Variants in BRIP1 observed in about 807,000 individuals in gnomAD.
BRIP1 encodes BRCA1 interacting DNA helicase 1.
In BRIP1, 88 loss-of-function variants were observed where a neutral mutation model predicts 119.7. The ratio of observed to expected loss-of-function variants is 0.74; its 90% CI spans 0.62 to 0.88. The LOEUF is 0.88. BRIP1 is among the 40% of genes least tolerant of loss of function. The pLI is 0.00. For missense variants in BRIP1, 1,259 were observed against 1,455.4 expected (o/e 0.87, Z 2.20); for synonymous variants, 443 against 496.5 (o/e 0.89, Z 1.43).
At position 61,755,505 on chromosome 17, in the gene BRIP1, G is replaced by GC. The variant is rs2077188901; in HGVS notation, c.2098-10915dup. 6.6e-6 allele frequency among the ~76,000 whole-genome samples: 1 copy of GC among 152,172 alleles called. No homozygotes were observed. The highest frequency in any genetic ancestry group is 2.4e-5 in the African/African-American group (1 of 41,442). On this transcript the variant is annotated intron_variant, in intron 14 of 19. Transcript: ENST00000259008. The surrounding 1 kb of genome is among the most constrained non-coding windows in gnomAD (Gnocchi z 4.5). The stretch of plus-strand genomic sequence containing the variant: ...GCCCTGGAGGTTGAGGCTGCACTGA[G>GC]CTGTGATCATGCCACCGTACTCCAG...
chr17:61,771,686 G>A (rs547264916), intron 14 of BRIP1, among the ~76,000 whole-genome samples: 15 of 152,180 alleles, frequency 9.9e-5, no homozygotes, highest in Non-Finnish European at 8.8e-5. Flanking sequence ...TAGGCTGGGC[G>A]TGGTGGTTCA....
At chr17:61,786,932 TATA>T (rs1343370537) in intron 10 of BRIP1, among the ~76,000 whole-genome samples, 3 of 6,714 alleles carry the variant, frequency 4.5e-4, no homozygotes, top group South Asian at 4.2e-3. Flanking sequence ...TATATTTATA[TATA>T]ATATATTTAT....
At chr17:61,839,211 A>T (rs1287151732) in intron 6 of BRIP1, among the ~76,000 whole-genome samples, 1 of 152,074 alleles carries the variant, frequency 6.6e-6, no homozygotes, top group Non-Finnish European at 1.5e-5. Flanking sequence ...GTATTATTTA[A>T]TGCTAGAAAT....
chr17:61,806,467 AT>A lies in BRIP1; in HGVS notation c.918+1999del, dbSNP rs766222474. On this transcript the variant is annotated intron_variant, in intron 7 of 19. Coordinates refer to ENST00000259008, the MANE Select transcript of BRIP1 (RefSeq NM_032043.3). The surrounding 1 kb of genome is among the most constrained non-coding windows in gnomAD (Gnocchi z 4.9). ...CATATTACTAATATTAAAAAATAAA[AT>A]ACCTGTTCACTTTAAGACAAACTAA... 6.6e-6 allele frequency among the ~76,000 whole-genome samples: 1 copy of A among 152,194 alleles called. No individual in the cohort carries two copies. The highest frequency in any genetic ancestry group is 1.5e-5 in the Non-Finnish European group (1 of 68,040).
intron 6 of BRIP1, among the ~76,000 whole-genome samples, chr17:61,833,994 C>T (rs899793862): frequency 2.0e-5 from 3 of 152,118 alleles, no homozygotes; most frequent in Non-Finnish European, 4.4e-5. Context: ...ACTGTTATAA[C>T]GCAAAAGTTC....
In BRIP1 at chr17:61,705,150, AC is replaced by A. The variant is rs1345299648; in HGVS notation, c.2492+10800del. Reference sequence around the variant, plus strand: ...TGTTCCCATCTTTAAGTCCATGTGTACCCATTGTTTATCTCCCATTTATAAG... The same window carrying A: ...TGTTCCCATCTTTAAGTCCATGTGTACCATTGTTTATCTCCCATTTATAAG... On this transcript the variant is annotated intron_variant, in intron 17 of 19. Coordinates refer to ENST00000259008, the MANE Select transcript of BRIP1 (RefSeq NM_032043.3). This position sits in a 1 kb window ranked among gnomAD's most constrained non-coding sequence, Gnocchi z 5.0. Among the ~76,000 whole-genome samples the A allele has an allele frequency of 1.3e-5, 2 of 152,000 alleles. No individual in the cohort carries two copies. The highest frequency in any genetic ancestry group is 4.8e-5 in the African/African-American group (2 of 41,410).
rs2061608586 is a variant in BRIP1, at chr17:61,701,199, T to G, written c.2493-7687A>C. ...ATTATTTTTTTCTCTTAGTTATACT[T>G]TCTTTGTTATGTGTCATGATTTTTG... On this transcript the variant is annotated intron_variant, in intron 17 of 19. Coordinates refer to ENST00000259008, the MANE Select transcript of BRIP1 (RefSeq NM_032043.3). This position sits in a 1 kb window ranked among gnomAD's most constrained non-coding sequence, Gnocchi z 5.1. Among the ~76,000 whole-genome samples the G allele has an allele frequency of 1.3e-5, 2 of 152,216 alleles. No homozygotes were observed. Among genetic ancestry groups the G allele is most frequent in the Non-Finnish European group, 2.9e-5 (2 of 68,038 alleles).
chr17:61,795,076 G>C lies in BRIP1; in HGVS notation c.1341-1347C>G, dbSNP rs1349832312. Among the ~76,000 whole-genome samples, 1 of 152,026 alleles carries C rather than the reference G, an allele frequency of 6.6e-6. No individual in the cohort carries two copies. Among genetic ancestry groups the C allele is most frequent in the Non-Finnish European group, 1.5e-5 (1 of 67,972 alleles). On this transcript the variant is annotated intron_variant, in intron 9 of 19. Coordinates refer to ENST00000259008, the MANE Select transcript of BRIP1 (RefSeq NM_032043.3). This position sits in a 1 kb window ranked among gnomAD's most constrained non-coding sequence, Gnocchi z 5.6. ...CATAAGAAATCTGAATTTATTCAAA[G>C]GGCAATGGGAAGGCTTGGGTTTTAA...
intron 4 of BRIP1, among the ~76,000 whole-genome samples, chr17:61,854,967 T>C (rs1282234766): frequency 6.6e-6 from 1 of 152,100 alleles, no homozygotes; most frequent in East Asian, 1.9e-4. Flanking sequence ...TGCAACAACA[T>C]AGAGGAATCT....
At chr17:61,836,285 T>G (rs1326167650) in intron 6 of BRIP1, among the ~76,000 whole-genome samples, 1 of 151,958 alleles carries the variant, frequency 6.6e-6, no homozygotes, top group Non-Finnish European at 1.5e-5. Flanking sequence ...TAATTTTGTT[T>G]GTTTGTTTTT....
intron 6 of BRIP1, among the ~76,000 whole-genome samples, chr17:61,839,222 C>A (rs2078623207): frequency 6.6e-6 from 1 of 151,846 alleles, no homozygotes; most frequent in Admixed American, 6.6e-5. Context: ...TGCTAGAAAT[C>A]CATGAGAAAT....
chr17:61,700,753 T>C lies in BRIP1; in HGVS notation c.2493-7241A>G, dbSNP rs962774809. Among the ~76,000 whole-genome samples, 11 of 152,184 alleles carry C rather than the reference T, an allele frequency of 7.2e-5. No individual in the cohort carries two copies. The highest frequency in any genetic ancestry group is 2.4e-4 in the African/African-American group (10 of 41,440). Reference sequence around the variant, plus strand: ...AATATTCTTTCTATTCTTTTTTCTCTCCTCTCCTTCTGGGACTCCAAATAT... The same window carrying C: ...AATATTCTTTCTATTCTTTTTTCTCCCCTCTCCTTCTGGGACTCCAAATAT... On this transcript the variant is annotated intron_variant, in intron 17 of 19. Transcript: ENST00000259008. The surrounding 1 kb of genome is among the most constrained non-coding windows in gnomAD (Gnocchi z 4.1).
chr17:61,850,882 C>A (rs1254721532), intron 4 of BRIP1, among the ~76,000 whole-genome samples: 1 of 151,864 alleles, frequency 6.6e-6, no homozygotes, highest in East Asian at 2.0e-4. Flanking sequence ...ACCTATGCCA[C>A]ATAGCACTGA....
chr17:61,680,480 C>CTATT lies in BRIP1; in HGVS notation c.*2815_*2816insAATA, dbSNP rs1555571893. Among the ~76,000 whole-genome samples, 1 of 124,096 alleles carries CTATT rather than the reference C, an allele frequency of 8.1e-6. No homozygotes were observed. The highest frequency in any genetic ancestry group is 3.2e-5 in the African/African-American group (1 of 31,702). The allele number at this position is 124,096 out of a possible 152,430, so 81.4% of individuals were successfully genotyped here. Reference sequence around the variant, plus strand: ...AGTTTACCAATTCTAAAGGTAATTTCTTTTTTTTTTTTTTTTTGAGACGGA... The same window carrying CTATT: ...AGTTTACCAATTCTAAAGGTAATTTCTATTTTTTTTTTTTTTTTTTTGAGACGGA... On this transcript the variant is annotated 3_prime_UTR_variant, in exon 20 of 20. Coordinates refer to ENST00000259008, the MANE Select transcript of BRIP1 (RefSeq NM_032043.3).
rs955115265 is a variant in BRIP1 at position 61,757,088 on chromosome 17, T to C, written c.2098-12497A>G. 6.6e-6 allele frequency among the ~76,000 whole-genome samples: 1 copy of C among 152,212 alleles called. No homozygotes were observed. Among genetic ancestry groups the C allele is most frequent in the African/African-American group, 2.4e-5 (1 of 41,458 alleles). ...TGTTTACTTTCTTTTATTCAGTTGA[T>C]ATGTACCCATATGTGGCATATGTTA... is the stretch of plus-strand genomic sequence containing the variant. On this transcript the variant is annotated intron_variant, in intron 14 of 19. Transcript: ENST00000259008. This position sits in a 1 kb window ranked among gnomAD's most constrained non-coding sequence, Gnocchi z 4.3.
Position 61,808,683 on chromosome 17 carries a change from C to T in BRIP1, c.702G>A (p.Lys234=), listed in dbSNP as rs45512798. 140 of 1,613,816 alleles carry T rather than the reference C, an allele frequency of 8.7e-5. No individual in the cohort carries two copies. Among genetic ancestry groups the T allele is most frequent in the Non-Finnish European group, 1.1e-4 (133 of 1,179,862 alleles). The change falls in exon 7 of 20, where the codon AAG becomes AAA. Residue 234 remains lysine (K), a synonymous_variant. Coordinates refer to ENST00000259008, the MANE Select transcript of BRIP1 (RefSeq NM_032043.3). The surrounding 1 kb of genome is among the most constrained non-coding windows in gnomAD (Gnocchi z 4.1). The part of the protein sequence containing the change: ...GNSQESSNTI[K]KDHTGKSKIP... Reference sequence around the variant, plus strand: ...TCTTGGATTTCCCTGTATGATCCTTCTTAATGGTATTCGATGACTCTTGAC... The same window carrying T: ...TCTTGGATTTCCCTGTATGATCCTTTTTAATGGTATTCGATGACTCTTGAC...
intron 16 of BRIP1, among the ~76,000 whole-genome samples, chr17:61,716,831 G>GC (rs2061883185): frequency 6.7e-6 from 1 of 150,206 alleles, no homozygotes; most frequent in African/African-American, 2.4e-5. Context: ...TCCACTACTG[G>GC]ATTATTAGCT....
rs778664039 is a variant in BRIP1 at position 61,683,652 on chromosome 17, AATAG to A, written c.3390_3393del (p.Tyr1131LeufsTer18). On this transcript the variant is annotated frameshift_variant, in exon 20 of 20. Transcript: ENST00000259008. LOFTEE classifies it low-confidence loss of function (END_TRUNC). This position sits in a 1 kb window ranked among gnomAD's most constrained non-coding sequence, Gnocchi z 4.7. Reference sequence around the variant, plus strand: ...TCAGGATCATAAAGTTCAGGTGTAAAATAGATAGATTCATCTTCTGCTTCTGTTT... The same window carrying A: ...TCAGGATCATAAAGTTCAGGTGTAAAATAGATTCATCTTCTGCTTCTGTTT... 24 of 1,613,128 alleles carry A rather than the reference AATAG, an allele frequency of 1.5e-5. No homozygotes were observed. The highest frequency in any genetic ancestry group is 4.0e-5 in the African/African-American group (3 of 75,042).
At chr17:61,694,466 A>G (rs1471609225) in intron 17 of BRIP1, among the ~76,000 whole-genome samples, 2 of 152,132 alleles carry the variant, frequency 1.3e-5, no homozygotes, top group African/African-American at 4.8e-5. Flanking sequence ...TAGTATGAAT[A>G]ATGCTGCTAT....
Sources: gnomAD v4.1 joint callset for allele counts (sites outside exome capture counted in the v4.1 genomes callset) on GRCh38, gnomAD v4.1.1 for gene constraint, Gnocchi (gnomAD v3.1) non-coding constraint, MANE v1.5 for transcripts, NCBI Gene and HGNC (gene_info 2026-07-23, HGNC 2026-07-21) for gene names.